RYR3: variants seen among roughly 807,000 people sequenced by gnomAD.
RYR3 encodes the protein brain ryanodine receptor-calcium release channel.
RYR3 carries 207 observed loss-of-function variants against 584.3 expected under a neutral mutation model. The observed-to-expected ratio is 0.35, with a 90% confidence interval of 0.32 to 0.40. RYR3 has a LOEUF of 0.40. RYR3 is among the 10% of genes least tolerant of loss of function. RYR3 has a pLI of 1.00. For missense variants in RYR3, 5,616 were observed against 6,089.2 expected (o/e 0.92, Z 2.59); for synonymous variants, 2,416 against 2,248.5 (o/e 1.07, Z -2.11).
chr15:33,676,615 T>G (rs2064195423), intron 38 of RYR3, among the ~76,000 whole-genome samples: 1 of 151,312 alleles, frequency 6.6e-6, no homozygotes, highest in African/African-American at 2.5e-5. Flanking sequence ...GGCAGAACTT[T>G]ACTTTTATTT....
rs10647466 is a variant in RYR3, at chr15:33,450,087, TAAA to T, written c.52-23310_52-23308del. ...TTACTGCGGCTAGAGCATTAATACC[TAAA>T]AAAAAAAAAAAAAAAAAAAAAGCCG... On this transcript the variant is annotated intron_variant, in intron 1 of 103. Transcript: ENST00000634891. 1.0e-3 allele frequency among the ~76,000 whole-genome samples: 70 copies of T among 67,316 alleles called. No individual in the cohort carries two copies. In the South Asian group the frequency reaches 0.012, roughly 11 times the overall value. 44.2% of individuals were successfully genotyped at this position (67,316 alleles called of 152,430 possible).
chr15:33,827,080 A>G (rs1454633809), intron 84 of RYR3, 119 bp from the exon 85 acceptor site: 4 of 872,072 alleles, frequency 4.6e-6, no homozygotes, highest in Non-Finnish European at 7.3e-6. Flanking sequence ...CATGACCCAA[A>G]CATGGTATTC....
chr15:33,738,400 G>A, intron 49 of RYR3, 50 bp from the exon 50 acceptor site: 1 of 1,561,112 alleles, frequency 6.4e-7, no homozygotes, highest in Non-Finnish European at 8.7e-7. Flanking sequence ...TGATGCCTGT[G>A]GACTTTCTCT....
At chr15:33,415,571 G>A (rs953616676) in intron 1 of RYR3, among the ~76,000 whole-genome samples, 10 of 152,120 alleles carry the variant, frequency 6.6e-5, no homozygotes, top group African/African-American at 1.9e-4. Context: ...TGCTATAGGA[G>A]AACAGAGGAG....
chr15:33,644,956 G>A (rs909070479), intron 28 of RYR3, among the ~76,000 whole-genome samples: 2 of 151,878 alleles, frequency 1.3e-5, no homozygotes, highest in African/African-American at 4.8e-5. Flanking sequence ...AGGCTGCAGT[G>A]AGCTATGATC....
intron 1 of RYR3, among the ~76,000 whole-genome samples, chr15:33,435,868 C>A (rs571503724): frequency 3.9e-5 from 6 of 152,298 alleles, no homozygotes; most frequent in Non-Finnish European, 7.3e-5. Flanking sequence ...TGGCAAGGAA[C>A]CCAAGTGAGT....
intron 3 of RYR3, among the ~76,000 whole-genome samples, chr15:33,518,915 G>A (rs1285594612): frequency 1.3e-5 from 2 of 152,206 alleles, no homozygotes; most frequent in Non-Finnish European, 2.9e-5. Context: ...CAGAATGAAT[G>A]CTGAGGCGTA....
intron 67 of RYR3, among the ~76,000 whole-genome samples, chr15:33,790,962 G>A (rs1272496886): frequency 6.6e-6 from 1 of 152,194 alleles, no homozygotes; most frequent in Non-Finnish European, 1.5e-5. Context: ...GATGAGAACT[G>A]AGACTGGGCA....
chr15:33,790,051 G>C (rs1429976112), intron 67 of RYR3, among the ~76,000 whole-genome samples: 1 of 132,856 alleles, frequency 7.5e-6, no homozygotes, highest in Non-Finnish European at 1.6e-5. Context: ...GAGTGCAGTG[G>C]TGCGATCTCG....
chr15:33,572,710 C>T (rs544759831), intron 12 of RYR3, among the ~76,000 whole-genome samples: 59 of 147,198 alleles, frequency 4.0e-4, no homozygotes, highest in African/African-American at 1.3e-3. Flanking sequence ...CACAATGGCT[C>T]ACGCCTGTAA....
chr15:33,620,969 G>C (rs991947246), intron 19 of RYR3, among the ~76,000 whole-genome samples: 23 of 152,196 alleles, frequency 1.5e-4, no homozygotes, highest in Non-Finnish European at 1.9e-4. Context: ...ACTGATTCCT[G>C]CCTGTGTTAA....
At chr15:33,323,134 CAG>C in intron 1 of RYR3, among the ~76,000 whole-genome samples, 1 of 151,840 alleles carries the variant, frequency 6.6e-6, no homozygotes, top group South Asian at 2.1e-4. Context: ...TTCTTTGAGA[CAG>C]AGTCTCACTC....
At chr15:33,595,320 A>G (rs1041733348) in intron 16 of RYR3, among the ~76,000 whole-genome samples, 5 of 152,188 alleles carry the variant, frequency 3.3e-5, no homozygotes, top group Admixed American at 2.6e-4. Flanking sequence ...TTTATAAACA[A>G]TTTATAAAAT....
chr15:33,314,568 A>G (rs1967819927), intron 1 of RYR3, among the ~76,000 whole-genome samples: 1 of 152,188 alleles, frequency 6.6e-6, no homozygotes, highest in Non-Finnish European at 1.5e-5. Context: ...ATTGTTTTTA[A>G]AATATCACAG....
chr15:33,343,209 G>A (rs1376056823), intron 1 of RYR3, among the ~76,000 whole-genome samples: 1 of 152,182 alleles, frequency 6.6e-6, no homozygotes, highest in Admixed American at 6.5e-5. Flanking sequence ...ATCTGTTTCT[G>A]CCAGTTCTCT....
chr15:33,520,288 A>G (rs557100622), intron 3 of RYR3, among the ~76,000 whole-genome samples: 1 of 152,346 alleles, frequency 6.6e-6, no homozygotes, highest in African/African-American at 2.4e-5. Flanking sequence ...GTAGATTAGA[A>G]ACAGTGTTCA....
chr15:33,357,751 C>T (rs1974180119), intron 1 of RYR3, among the ~76,000 whole-genome samples: 1 of 152,168 alleles, frequency 6.6e-6, no homozygotes, highest in Admixed American at 6.5e-5. Flanking sequence ...CAACCTGTTC[C>T]TTCATTAATT....
chr15:33,662,506 C>G lies in RYR3; in HGVS notation c.4976C>G (p.Thr1659Arg). The G allele has an allele frequency of 6.2e-7, 1 of 1,614,036 alleles. No individual in the cohort carries two copies. The highest frequency in any genetic ancestry group is 8.5e-7 in the Non-Finnish European group (1 of 1,179,896). The change falls in exon 35 of 104, where the codon ACA (threonine) becomes AGA (arginine). Residue 1659 changes from threonine to arginine, a missense_variant. Thr to Arg is a moderately conservative substitution (Grantham distance 71). Transcript: ENST00000634891. ...RHGLPGVGLR[T>R]CLKPGFRFST... The stretch of plus-strand genomic sequence containing the variant: ...GGACTGCCTGGGGTGGGCCTGAGAA[C>G]ATGTCTCAAGCCCGGGTTCAGGTTC...
At chr15:33,499,210 C>T (rs1384074713) in intron 2 of RYR3, among the ~76,000 whole-genome samples, 3 of 150,198 alleles carry the variant, frequency 2.0e-5, no homozygotes, top group African/African-American at 7.4e-5. Flanking sequence ...CTCCCTGCCT[C>T]TCCTCCTCTC....
Sources: allele counts gnomAD v4.1 joint callset (sites outside exome capture counted in the v4.1 genomes callset), GRCh38; gene constraint gnomAD v4.1.1; transcripts MANE v1.5; gene names NCBI Gene and HGNC (gene_info 2026-07-23, HGNC 2026-07-21).